Variants in C1orf185 observed in about 807,000 individuals in gnomAD.
The protein encoded by C1orf185 is uncharacterized protein C1orf185.
A neutral mutation model predicts 16.1 loss-of-function variants in C1orf185; 13 were observed. That is an observed-to-expected ratio of 0.81 (90% CI 0.53 to 1.28). The LOEUF (loss-of-function observed/expected upper bound fraction) is 1.28, where lower values mean the gene tolerates loss of function less well. Ranked by LOEUF, C1orf185 falls within the 50% of genes most tolerant of loss-of-function variation. The probability of loss-of-function intolerance (pLI) is 0.00; values close to 1 mark genes in which losing one functional copy is unlikely to be tolerated. For missense variants in C1orf185, 220 were observed against 225.2 expected (o/e 0.98, Z 0.15); for synonymous variants, 80 against 76.9 (o/e 1.04, Z -0.21).
At position 51,135,996 on chromosome 1, in the gene C1orf185, G is replaced by A. The variant is rs567771577; in HGVS notation, c.259-9728G>A. Among the ~76,000 whole-genome samples, 39 of 152,146 alleles carry A rather than the reference G, an allele frequency of 2.6e-4. 1 individual carries two copies. In the South Asian group the frequency reaches 3.9e-3, roughly 15 times the overall value. ...AACTCAATGTGCAAAAATTACTAAC[G>A]TTCCTATACACCAACAACAGTCAAG... On this transcript the variant is annotated intron_variant, in intron 3 of 4. Coordinates refer to ENST00000371759, the MANE Select transcript of C1orf185 (RefSeq NM_001136508.2).
In C1orf185 at chr1:51,147,497, A is replaced by G. The variant is rs752614347; in HGVS notation, c.326A>G (p.Gln109Arg). The change falls in exon 5 of 5, where the codon CAA becomes CGA. Residue 109 changes from glutamine (Q) to arginine (R), a missense_variant. Physicochemically the swap from Gln to Arg is conservative, Grantham distance 43. Coordinates refer to ENST00000371759, the MANE Select transcript of C1orf185 (RefSeq NM_001136508.2). ...AAAGATCATTCTAAAGATGAACCCC[A>G]ACTTGCAACAAAAAATATCATTTGT... Reference protein sequence around the residue: ...AIKDHSKDEPQLATKNIICDP... With the variant: ...AIKDHSKDEPRLATKNIICDP... 6.5e-7 allele frequency: 1 copy of G among 1,543,672 alleles called. No individual in the cohort carries two copies. The highest frequency in any genetic ancestry group is 1.2e-5 in the South Asian group (1 of 82,240).
intron 3 of C1orf185, among the ~76,000 whole-genome samples, chr1:51,138,975 A>G (rs913097403): frequency 6.6e-6 from 1 of 152,142 alleles, no homozygotes; most frequent in Non-Finnish European, 1.5e-5. Context: ...GGCATGATCC[A>G]CTGTGCCCAG....
At chr1:51,134,259 T>G (rs952267556) in intron 3 of C1orf185, among the ~76,000 whole-genome samples, 3 of 152,112 alleles carry the variant, frequency 2.0e-5, no homozygotes, top group Admixed American at 6.6e-5. Context: ...ACAATGAAAT[T>G]AAGGCAGAAA....
intron 1 of C1orf185, among the ~76,000 whole-genome samples, chr1:51,111,374 CTT>C (rs11414730): frequency 7.5e-6 from 1 of 133,984 alleles, no homozygotes; most frequent in African/African-American, 3.2e-5. Context: ...TTCTTTCTTT[CTT>C]TTTTTTTTTT....
chr1:51,138,039 T>C (rs946498158), intron 3 of C1orf185, among the ~76,000 whole-genome samples: 7 of 151,980 alleles, frequency 4.6e-5, no homozygotes, highest in African/African-American at 1.7e-4. Flanking sequence ...CAACACACAC[T>C]GGGGCCTATA....
At chr1:51,133,801 C>A (rs897728147) in intron 3 of C1orf185, among the ~76,000 whole-genome samples, 2 of 152,208 alleles carry the variant, frequency 1.3e-5, no homozygotes, top group Non-Finnish European at 2.9e-5. Context: ...ATTACATAAT[C>A]AGAAGTAAAA....
At chr1:51,118,510 G>T (rs1258419981) in intron 2 of C1orf185, among the ~76,000 whole-genome samples, 156 bp from the exon 3 acceptor site, 1 of 151,986 alleles carries the variant, frequency 6.6e-6, no homozygotes, top group Non-Finnish European at 1.5e-5. Flanking sequence ...ATATGAGTAG[G>T]GAGTATGTAA....
intron 4 of C1orf185, among the ~76,000 whole-genome samples, 187 bp from the exon 5 acceptor site, chr1:51,147,280 T>C (rs942904255): frequency 6.6e-6 from 1 of 152,228 alleles, no homozygotes; most frequent in Non-Finnish European, 1.5e-5. Context: ...TTGATTTCAT[T>C]TAGAATAGTC....
intron 3 of C1orf185, among the ~76,000 whole-genome samples, chr1:51,129,257 T>C (rs4433450): frequency 0.12 from 18,702 of 152,068 alleles, 2,089 homozygotes; most frequent in African/African-American, 0.3. Flanking sequence ...CCTCCCTCCT[T>C]GGCCTCTCAG....
chr1:51,134,815 G>A (rs948893013), intron 3 of C1orf185, among the ~76,000 whole-genome samples: 1 of 152,134 alleles, frequency 6.6e-6, no homozygotes, highest in Non-Finnish European at 1.5e-5. Flanking sequence ...TTTAATCACT[G>A]AACAGACCAA....
intron 3 of C1orf185, among the ~76,000 whole-genome samples, chr1:51,136,722 C>A (rs1003360067): frequency 4.0e-4 from 61 of 152,154 alleles, no homozygotes; most frequent in African/African-American, 1.4e-3. Flanking sequence ...TGAAACTGGA[C>A]CCCTTCCTTA....
intron 3 of C1orf185, among the ~76,000 whole-genome samples, chr1:51,122,679 G>A (rs1646206349): frequency 6.6e-6 from 1 of 152,176 alleles, no homozygotes; most frequent in South Asian, 2.1e-4. Flanking sequence ...GTGCAATCAT[G>A]TCATTACAGT....
intron 2 of C1orf185, among the ~76,000 whole-genome samples, chr1:51,113,276 G>T (rs1407794310): frequency 2.0e-5 from 3 of 151,892 alleles, no homozygotes; most frequent in Non-Finnish European, 4.4e-5. Flanking sequence ...GCCCTGGTAT[G>T]GTCTGAAAGT....
At chr1:51,106,282 G>A (rs574796633) in intron 1 of C1orf185, among the ~76,000 whole-genome samples, 1 of 152,130 alleles carries the variant, frequency 6.6e-6, no homozygotes, top group Admixed American at 6.5e-5. Context: ...GGTCTAGAGT[G>A]AAAATTGTAC....
intron 3 of C1orf185, among the ~76,000 whole-genome samples, chr1:51,121,497 G>A (rs1308661130): frequency 6.6e-6 from 1 of 151,888 alleles, no homozygotes; most frequent in Non-Finnish European, 1.5e-5. Context: ...TCAGTGACAG[G>A]AACCTCATTC....
chr1:51,118,629 T>C, intron 2 of C1orf185, 37 bp from the exon 3 acceptor site: 1 of 1,177,262 alleles, frequency 8.5e-7, no homozygotes, highest in South Asian at 2.3e-5. Context: ...ATAATCTAAC[T>C]CAGGTTTAAT....
chr1:51,144,517 G>A (rs1646386586), intron 3 of C1orf185, among the ~76,000 whole-genome samples: 1 of 152,114 alleles, frequency 6.6e-6, no homozygotes, highest in African/African-American at 2.4e-5. Context: ...TTTGAGACCA[G>A]CCTTGGGAAC....
At chr1:51,105,189 A>T (rs1404398662) in intron 1 of C1orf185, among the ~76,000 whole-genome samples, 4 of 151,588 alleles carry the variant, frequency 2.6e-5, no homozygotes, top group Non-Finnish European at 5.9e-5. Context: ...CTGGTCTCGA[A>T]CTCCTCACCT....
At chr1:51,145,477 T>C (rs1646392842) in intron 3 of C1orf185, among the ~76,000 whole-genome samples, 1 of 152,200 alleles carries the variant, frequency 6.6e-6, no homozygotes, top group Admixed American at 6.5e-5. Context: ...GAATGAATCC[T>C]ATTTGAACTG....
Sources: allele counts gnomAD v4.1 joint callset (sites outside exome capture counted in the v4.1 genomes callset), GRCh38; gene constraint gnomAD v4.1.1; transcripts MANE v1.5; gene names NCBI Gene and HGNC (gene_info 2026-07-23, HGNC 2026-07-21).